The following TRNAU1AP variants were observed in gnomAD, a reference collection of about 807,000 sequenced individuals.
The protein encoded by TRNAU1AP is tRNA selenocysteine 1 associated protein 1.
TRNAU1AP carries 33 observed loss-of-function variants against 43.3 expected under a neutral mutation model. That is an observed-to-expected ratio of 0.76 (90% confidence interval 0.58 to 1.02). The LOEUF is 1.02. Among genes scored for constraint, TRNAU1AP ranks in the 50% least tolerant of loss-of-function variants. TRNAU1AP has a pLI of 0.00. For missense variants in TRNAU1AP, 290 were observed against 362.7 expected (o/e 0.80, Z 1.63); for synonymous variants, 143 against 129.1 (o/e 1.11, Z -0.73).
In TRNAU1AP at chr1:28,577,859, G is replaced by A; in HGVS notation, c.*223G>A. 1 of 510,710 alleles carries A rather than the reference G, an allele frequency of 2.0e-6. No individual in the cohort carries two copies. The highest frequency in any genetic ancestry group is 3.5e-6 in the Non-Finnish European group (1 of 288,818). 31.6% of individuals were successfully genotyped at this position (510,710 alleles called of 1,614,324 possible). A position where few individuals can be genotyped will look rare whatever the true frequency, so the allele number is the denominator to read the frequency against. ...AGGTTCAAATTGGTTTCCTTCACAG[G>A]AATCCTTTGTCCAGGTAGTTATCCA... On this transcript the variant is annotated 3_prime_UTR_variant, in exon 9 of 9. Coordinates refer to ENST00000373830, the MANE Select transcript of TRNAU1AP (RefSeq NM_017846.5).
chr1:28,561,642 A>T (rs1665406675), intron 4 of TRNAU1AP, among the ~76,000 whole-genome samples: 1 of 152,216 alleles, frequency 6.6e-6, no homozygotes, highest in Non-Finnish European at 1.5e-5. Flanking sequence ...TTATTCAATA[A>T]GAATTGCCTT....
rs774556236 is a variant in TRNAU1AP at position 28,564,794 on chromosome 1, C to T, written c.370C>T (p.Arg124Trp). The T allele has an allele frequency of 4.3e-6, 7 of 1,613,944 alleles. No homozygotes were observed. Among genetic ancestry groups the T allele is most frequent in the African/African-American group, 2.7e-5 (2 of 74,904 alleles). ...EFFVKVYPSC[R>W]GGKVVLDQTG... is the part of the protein sequence containing the mutation. The stretch of plus-strand genomic sequence containing the variant: ...CTTCGTCAAAGTCTACCCCTCCTGT[C>T]GGGGAGGCAAGGTGGTTTTGGACCA... Residue 124 changes from arginine (R) to tryptophan (W), a missense_variant, in exon 5 of 9, where the codon CGG becomes TGG. Arg to Trp is a moderately radical substitution (Grantham distance 101, BLOSUM62 -3). Around this residue, in one of 3 missense-constraint regions of TRNAU1AP, gnomAD observed 174 missense variants for 262.1 expected, o/e 0.66. Transcript: ENST00000373830.
intron 4 of TRNAU1AP, among the ~76,000 whole-genome samples, chr1:28,561,735 C>T (rs764956138): frequency 2.0e-4 from 30 of 152,050 alleles, no homozygotes; most frequent in Non-Finnish European, 3.5e-4. Flanking sequence ...CCTAGGAGTT[C>T]AAGAATAGCC....
intron 5 of TRNAU1AP, among the ~76,000 whole-genome samples, chr1:28,566,059 G>C (rs553050446): frequency 5.8e-4 from 89 of 152,302 alleles, no homozygotes; most frequent in Non-Finnish European, 1.1e-3. Context: ...GCTCACGCCT[G>C]TAATCCCAGC....
chr1:28,553,170 CA>C, intron 1 of TRNAU1AP, 33 bp downstream of exon 1: 1 of 1,479,018 alleles, frequency 6.8e-7, no homozygotes, highest in Middle Eastern at 1.8e-4. Flanking sequence ...GGTCTGAAGA[CA>C]AGGAAGCATC....
intron 4 of TRNAU1AP, among the ~76,000 whole-genome samples, chr1:28,564,335 T>C (rs1413864808): frequency 6.6e-6 from 1 of 152,240 alleles, no homozygotes; most frequent in African/African-American, 2.4e-5. Flanking sequence ...AGTTCTTTTT[T>C]TTCTGTCTTT....
chr1:28,575,374 C>CT (rs1026053748), intron 8 of TRNAU1AP, among the ~76,000 whole-genome samples: 15 of 151,666 alleles, frequency 9.9e-5, no homozygotes, highest in Admixed American at 3.3e-4. Flanking sequence ...ATGATGGTCT[C>CT]TATCTTTTGA....
chr1:28,574,732 CAA>C (rs1201205134), intron 8 of TRNAU1AP: 2 of 152,134 alleles, frequency 1.3e-5, no homozygotes, highest in Non-Finnish European at 2.9e-5. Context: ...CAAAAAGACT[CAA>C]AGTTTGAAAT....
intron 2 of TRNAU1AP, among the ~76,000 whole-genome samples, chr1:28,558,487 G>A (rs1241153443): frequency 2.6e-5 from 4 of 151,262 alleles, no homozygotes; most frequent in African/African-American, 4.9e-5. Flanking sequence ...TCCGCCTCCC[G>A]CGTTCAGGCA....
intron 4 of TRNAU1AP, among the ~76,000 whole-genome samples, chr1:28,564,195 G>T (rs1212960066): frequency 1.3e-5 from 2 of 152,158 alleles, no homozygotes; most frequent in Admixed American, 1.3e-4. Flanking sequence ...GAACCTGGGA[G>T]ACAGAAGTTG....
rs1212040642 is a variant in TRNAU1AP, at chr1:28,578,430, C to T, written c.*794C>T. 4.3e-6 allele frequency: 1 copy of T among 231,342 alleles called. No individual in the cohort carries two copies. The highest frequency in any genetic ancestry group is 8.7e-6 in the Non-Finnish European group (1 of 114,636). The allele number at this position is 231,342 out of a possible 1,614,324, so 14.3% of individuals were successfully genotyped here. A position where few individuals can be genotyped will look rare whatever the true frequency, so the allele number is the denominator to read the frequency against. On this transcript the variant is annotated 3_prime_UTR_variant, in exon 9 of 9. Coordinates refer to ENST00000373830, the MANE Select transcript of TRNAU1AP (RefSeq NM_017846.5). ...ATTCATCCTACATCATAAAAAATCT[C>T]CAAAGATCTCTTTAAGGGCTGGGCA...
intron 4 of TRNAU1AP, among the ~76,000 whole-genome samples, chr1:28,562,738 G>A (rs942991636): frequency 2.0e-5 from 3 of 151,644 alleles, no homozygotes; most frequent in African/African-American, 7.3e-5. Context: ...CTGCCACCAC[G>A]CCTGGCTAAA....
chr1:28,555,004 G>A (rs949155390), intron 2 of TRNAU1AP, among the ~76,000 whole-genome samples: 3 of 151,908 alleles, frequency 2.0e-5, no homozygotes, highest in African/African-American at 7.3e-5. Context: ...TTCGGGAGGC[G>A]AGAAGGGTGG....
chr1:28,556,309 C>A (rs1324321512), intron 2 of TRNAU1AP, among the ~76,000 whole-genome samples: 3 of 151,558 alleles, frequency 2.0e-5, no homozygotes. Flanking sequence ...TAAAAAAATA[C>A]AAAAATTAGC....
chr1:28,565,690 TGAGGCAGAATTGCTTGAATCCGGGAGGCA>T (rs1665522255), intron 5 of TRNAU1AP: 1 of 151,540 alleles, frequency 6.6e-6, no homozygotes, highest in East Asian at 1.9e-4. Flanking sequence ...CTCGGGAGGC[TGAGGCAGAATTGCTTGAATCCGGGAGGCA>T]GAGGTTGCAG....
intron 2 of TRNAU1AP, among the ~76,000 whole-genome samples, chr1:28,556,099 G>A (rs1482308683): frequency 2.0e-5 from 3 of 152,028 alleles, no homozygotes. Flanking sequence ...TGATCCGCCT[G>A]CCTTGGCCTC....
intron 8 of TRNAU1AP, among the ~76,000 whole-genome samples, chr1:28,576,857 C>T (rs1027062163): frequency 6.6e-6 from 1 of 152,176 alleles, no homozygotes; most frequent in Non-Finnish European, 1.5e-5. Context: ...CCTCGACCTG[C>T]TGAAGTGCTG....
At chr1:28,558,488 C>T (rs1002345349) in intron 2 of TRNAU1AP, among the ~76,000 whole-genome samples, 64 of 149,944 alleles carry the variant, frequency 4.3e-4, no homozygotes, top group Non-Finnish European at 7.7e-4. Flanking sequence ...CCGCCTCCCG[C>T]GTTCAGGCAA....
chr1:28,559,738 C>T (rs996184689), intron 2 of TRNAU1AP, among the ~76,000 whole-genome samples: 1 of 151,980 alleles, frequency 6.6e-6, no homozygotes, highest in Non-Finnish European at 1.5e-5. Flanking sequence ...TCTAAAATTT[C>T]CTGGAACTGG....
Sources: gnomAD v4.1 joint callset for allele counts (sites outside exome capture counted in the v4.1 genomes callset) on GRCh38, gnomAD v4.1.1 for gene constraint, gnomAD v4.1.1 regional missense constraint, MANE v1.5 for transcripts, NCBI Gene and HGNC (gene_info 2026-07-23, HGNC 2026-07-21) for gene names.